Variants in RAPGEF5 observed in about 807,000 individuals in gnomAD.
The protein encoded by RAPGEF5 is M-Ras-regulated GEF.
Under a neutral mutation model 125.2 loss-of-function variants are expected in RAPGEF5, and 65 were observed. That is an observed-to-expected ratio of 0.52 (90% confidence interval 0.43 to 0.64). RAPGEF5 has a LOEUF of 0.64. RAPGEF5 is among the 30% of genes least tolerant of loss of function. RAPGEF5 has a pLI of 0.00. For synonymous variants in RAPGEF5, 391 were observed against 385.9 expected (o/e 1.01, Z -0.16); for missense variants, 958 against 1,048.1 (o/e 0.91, Z 1.19).
intron 7 of RAPGEF5, 94 bp from the exon 8 acceptor site, chr7:22,231,013 G>T: frequency 8.5e-7 from 1 of 1,170,122 alleles, no homozygotes; most frequent in Non-Finnish European, 1.2e-6. Context: ...GGGAAAAAAT[G>T]TTAGATAGAT....
intron 9 of RAPGEF5, among the ~76,000 whole-genome samples, chr7:22,197,000 G>A (rs1214560756): frequency 1.3e-5 from 2 of 152,130 alleles, no homozygotes; most frequent in Non-Finnish European, 2.9e-5. Flanking sequence ...AAGTAAAGTG[G>A]GAGAATATTC....
At chr7:22,338,205 C>A (rs945194885) in intron 1 of RAPGEF5, among the ~76,000 whole-genome samples, 2 of 152,168 alleles carry the variant, frequency 1.3e-5, no homozygotes, top group Non-Finnish European at 2.9e-5. Flanking sequence ...AGAGTTACAA[C>A]CCAAATTATT....
chr7:22,219,757 C>G (rs1346780829), intron 9 of RAPGEF5, 109 bp downstream of exon 9: 1 of 1,416,590 alleles, frequency 7.1e-7, no homozygotes, highest in Non-Finnish European at 9.4e-7. Flanking sequence ...AAAAAAACCC[C>G]CAAAACCTAA....
At chr7:22,284,651 A>G (rs1782754968) in intron 6 of RAPGEF5, among the ~76,000 whole-genome samples, 1 of 152,158 alleles carries the variant, frequency 6.6e-6, no homozygotes, top group African/African-American at 2.4e-5. Flanking sequence ...CAAGATGTTC[A>G]TGATCCTGTG....
chr7:22,327,157 A>G (rs1436616683), intron 1 of RAPGEF5, among the ~76,000 whole-genome samples: 1 of 152,218 alleles, frequency 6.6e-6, no homozygotes, highest in African/African-American at 2.4e-5. Flanking sequence ...AAGTACTAGT[A>G]AATCCATAAG....
chr7:22,147,589 A>G (rs1015304041), intron 18 of RAPGEF5, among the ~76,000 whole-genome samples: 1 of 152,238 alleles, frequency 6.6e-6, no homozygotes, highest in Non-Finnish European at 1.5e-5. Context: ...GTAGATTATT[A>G]TTTTAAGTAT....
At chr7:22,320,050 A>G (rs1464434719) in intron 1 of RAPGEF5, among the ~76,000 whole-genome samples, 1 of 152,212 alleles carries the variant, frequency 6.6e-6, no homozygotes, top group African/African-American at 2.4e-5. Context: ...GGGTTCTTCT[A>G]TACTGAATAG....
chr7:22,219,732 G>T, intron 9 of RAPGEF5, 134 bp downstream of exon 9: 1 of 1,209,970 alleles, frequency 8.3e-7, no homozygotes, highest in Non-Finnish European at 1.1e-6. Flanking sequence ...TACTAAGGAG[G>T]ATGCTCTTGG....
intron 9 of RAPGEF5, among the ~76,000 whole-genome samples, chr7:22,200,449 T>C (rs748774916): frequency 6.6e-6 from 1 of 152,172 alleles, no homozygotes. Flanking sequence ...AACAAATATG[T>C]CTTTGTACAC....
intron 3 of RAPGEF5, among the ~76,000 whole-genome samples, chr7:22,311,176 C>T (rs1783462021): frequency 6.6e-6 from 1 of 152,070 alleles, no homozygotes; most frequent in Non-Finnish European, 1.5e-5. Context: ...CAGGTGCTCA[C>T]CACTGGCTAA....
At chr7:22,154,161 T>A (rs1459126760) in intron 17 of RAPGEF5, among the ~76,000 whole-genome samples, 1 of 152,176 alleles carries the variant, frequency 6.6e-6, no homozygotes, top group Non-Finnish European at 1.5e-5. Flanking sequence ...CAAGTTAATT[T>A]AAATAGGAAA....
chr7:22,285,207 G>A (rs949636711), intron 6 of RAPGEF5, among the ~76,000 whole-genome samples: 4 of 152,070 alleles, frequency 2.6e-5, no homozygotes, highest in African/African-American at 9.7e-5. Context: ...GCTAGCCTAG[G>A]AAAAAATCAA....
chr7:22,267,387 AT>A (rs1474951322), intron 6 of RAPGEF5, among the ~76,000 whole-genome samples: 1 of 152,214 alleles, frequency 6.6e-6, no homozygotes, highest in East Asian at 1.9e-4. Context: ...AATATTACTT[AT>A]CCCTCAAAGA....
rs1393945314 is a variant in RAPGEF5 at position 22,150,503 on chromosome 7, T to G, written c.1788A>C (p.Glu596Asp). Reference protein sequence around the residue: ...LALVAITFSGEKHELQPNDLV... With the variant: ...LALVAITFSGDKHELQPNDLV... Reference sequence around the variant, plus strand: ...AGTCATTTGGCTGAAGTTCATGCTTTTCTTTATTTGAAAAAAAAAAAAAAA... The same window carrying G: ...AGTCATTTGGCTGAAGTTCATGCTTGTCTTTATTTGAAAAAAAAAAAAAAA... Residue 596 changes from glutamate to aspartate, a missense_variant and splice_region_variant, in exon 18 of 26, where the codon GAA becomes GAC. Transcript: ENST00000665637. The G allele has an allele frequency of 6.4e-7, 1 of 1,557,652 alleles. No homozygotes were observed.
At chr7:22,137,432 C>T (rs915028575) in intron 21 of RAPGEF5, among the ~76,000 whole-genome samples, 3 of 152,098 alleles carry the variant, frequency 2.0e-5, no homozygotes, top group Non-Finnish European at 4.4e-5. Flanking sequence ...CCTTAAGTGA[C>T]GAAGCCTGCA....
chr7:22,298,732 T>G (rs956975052), intron 5 of RAPGEF5: 6 of 152,262 alleles, frequency 3.9e-5, no homozygotes, highest in Admixed American at 2.6e-4. Flanking sequence ...GCCAGTAAAC[T>G]TATGTAAGCC....
chr7:22,127,347 T>A (rs1229257731), intron 24 of RAPGEF5, among the ~76,000 whole-genome samples: 3 of 152,140 alleles, frequency 2.0e-5, no homozygotes, highest in Admixed American at 6.6e-5. Context: ...CCGGCAAAAG[T>A]CTTCTTAAAT....
At chr7:22,335,867 T>C (rs1784018946) in intron 1 of RAPGEF5, among the ~76,000 whole-genome samples, 1 of 152,158 alleles carries the variant, frequency 6.6e-6, no homozygotes, top group Non-Finnish European at 1.5e-5. Context: ...CGACCACACT[T>C]ATAATTTCTT....
At chr7:22,233,820 AT>A (rs1786120074) in intron 7 of RAPGEF5, among the ~76,000 whole-genome samples, 1 of 152,194 alleles carries the variant, frequency 6.6e-6, no homozygotes, top group Non-Finnish European at 1.5e-5. Context: ...TTTCTAGCTT[AT>A]CCCCAACAAC....
Sources: gnomAD v4.1 joint callset for allele counts (sites outside exome capture counted in the v4.1 genomes callset) on GRCh38, gnomAD v4.1.1 for gene constraint, MANE v1.5 for transcripts, NCBI Gene and HGNC (gene_info 2026-07-23, HGNC 2026-07-21) for gene names.